BBS9: variants seen among roughly 807,000 people sequenced by gnomAD.
The protein encoded by BBS9 is Bardet-Biedl syndrome 9.
A neutral mutation model predicts 117.7 loss-of-function variants in BBS9; 89 were observed. The observed-to-expected ratio is 0.76, with a 90% CI of 0.64 to 0.90. The LOEUF (loss-of-function observed/expected upper bound fraction) is 0.90. BBS9 is among the 40% of genes least tolerant of loss of function. The pLI, the probability that BBS9 is intolerant of heterozygous loss-of-function variation, is 0.00. For missense variants in BBS9, 982 were observed against 1,042.2 expected (o/e 0.94, Z 0.80); for synonymous variants, 379 against 370.9 (o/e 1.02, Z -0.25).
At chr7:33,207,894 A>G (rs538517037) in intron 5 of BBS9, among the ~76,000 whole-genome samples, 9 of 151,346 alleles carry the variant, frequency 5.9e-5, no homozygotes, top group Admixed American at 5.3e-4. Flanking sequence ...TGAAACCTCT[A>G]CCTCCTGGGT....
intron 5 of BBS9, among the ~76,000 whole-genome samples, chr7:33,217,703 G>A (rs544011241): frequency 1.3e-5 from 2 of 152,332 alleles, no homozygotes; most frequent in African/African-American, 4.8e-5. Context: ...CTTGCTAGCC[G>A]AAGGACATTC....
intron 20 of BBS9, among the ~76,000 whole-genome samples, chr7:33,513,791 T>C (rs1847320290): frequency 6.6e-6 from 1 of 152,204 alleles, no homozygotes; most frequent in Admixed American, 6.5e-5. Flanking sequence ...GATGAATATA[T>C]ACAAGTGAAA....
intron 19 of BBS9, among the ~76,000 whole-genome samples, chr7:33,502,022 T>C (rs559340852): frequency 5.9e-5 from 9 of 152,262 alleles, no homozygotes; most frequent in Admixed American, 2.6e-4. Context: ...GTGATTCTCC[T>C]GCCTCAGCCT....
intron 19 of BBS9, among the ~76,000 whole-genome samples, chr7:33,406,509 G>A (rs1007032763): frequency 1.3e-5 from 2 of 151,966 alleles, no homozygotes; most frequent in East Asian, 1.9e-4. Flanking sequence ...CTCGTTAGTT[G>A]ATGCAGTTTC....
intron 18 of BBS9, among the ~76,000 whole-genome samples, chr7:33,386,205 C>T (rs1825980060): frequency 6.6e-6 from 1 of 151,968 alleles, no homozygotes; most frequent in Non-Finnish European, 1.5e-5. Context: ...TACATGAATA[C>T]ACTTTAAAAA....
intron 21 of BBS9, among the ~76,000 whole-genome samples, chr7:33,597,596 C>T (rs1447324737): frequency 1.3e-5 from 2 of 152,102 alleles, no homozygotes; most frequent in Non-Finnish European, 2.9e-5. Flanking sequence ...AGCTTGCCAG[C>T]CCTCTGGATT....
chr7:33,223,369 T>C (rs920304715), intron 5 of BBS9, among the ~76,000 whole-genome samples: 1 of 152,218 alleles, frequency 6.6e-6, no homozygotes, highest in Admixed American at 6.5e-5. Flanking sequence ...TATTAACTCT[T>C]GTCACCATGC....
chr7:33,400,659 A>G (rs984762345), intron 19 of BBS9, among the ~76,000 whole-genome samples: 1 of 152,130 alleles, frequency 6.6e-6, no homozygotes, highest in Non-Finnish European at 1.5e-5. Context: ...AAAAAGATGT[A>G]CTGTTTTTAT....
chr7:33,592,272 A>G (rs2700684), intron 21 of BBS9, among the ~76,000 whole-genome samples: 20,164 of 151,974 alleles, frequency 0.13, 1,803 homozygotes, highest in Admixed American at 0.27. Flanking sequence ...CATTGTGATG[A>G]GCCCCATTAC....
chr7:33,173,876 C>G (rs948299816), intron 4 of BBS9, among the ~76,000 whole-genome samples: 4 of 152,172 alleles, frequency 2.6e-5, no homozygotes, highest in African/African-American at 9.7e-5. Flanking sequence ...CTTGGTCAAC[C>G]TAGCCAATGA....
At chr7:33,598,318 C>CT (rs1372229448) in intron 21 of BBS9, among the ~76,000 whole-genome samples, 2 of 151,534 alleles carry the variant, frequency 1.3e-5, no homozygotes, top group Non-Finnish European at 2.9e-5. Flanking sequence ...AAGTATCATG[C>CT]AATATACCTG....
rs1842505067 is a variant in BBS9, at chr7:33,481,481, G to A, written c.2116-23982G>A. 2.6e-5 allele frequency among the ~76,000 whole-genome samples: 4 copies of A among 152,116 alleles called. No individual in the cohort carries two copies. The South Asian group carries it at 8.4e-4, about 32-fold the overall frequency. On this transcript the variant is annotated intron_variant, in intron 19 of 22. Coordinates refer to ENST00000242067, the MANE Select transcript of BBS9 (RefSeq NM_198428.3). The stretch of plus-strand genomic sequence containing the variant: ...AAATGATATTTCAGAATTAAATTAT[G>A]TAATATGATATTATATAATGTTGCA...
intron 21 of BBS9, among the ~76,000 whole-genome samples, chr7:33,574,062 T>C (rs1161087402): frequency 6.6e-6 from 1 of 152,142 alleles, no homozygotes; most frequent in Non-Finnish European, 1.5e-5. Context: ...GCCCACAGGC[T>C]TACCTGATAT....
intron 4 of BBS9, among the ~76,000 whole-genome samples, chr7:33,163,080 A>C (rs1795115317): frequency 6.6e-6 from 1 of 152,172 alleles, no homozygotes; most frequent in Non-Finnish European, 1.5e-5. Context: ...GCATCTATTG[A>C]GATAATCATG....
At chr7:33,621,471 A>C (rs1865402834) in intron 21 of BBS9, among the ~76,000 whole-genome samples, 1 of 152,174 alleles carries the variant, frequency 6.6e-6, no homozygotes, top group African/African-American at 2.4e-5. Flanking sequence ...CAGGAAAATA[A>C]ATTAAACCAC....
At chr7:33,212,601 A>G (rs1788224767) in intron 5 of BBS9, among the ~76,000 whole-genome samples, 1 of 151,982 alleles carries the variant, frequency 6.6e-6, no homozygotes, top group South Asian at 2.1e-4. Context: ...GATGGTCTTA[A>G]TGCTTGTAGA....
At position 33,155,638 on chromosome 7, in the gene BBS9, A is replaced by G; in HGVS notation, c.264A>G (p.Ser88=). Residue 88 remains serine, a splice_region_variant and synonymous_variant, in exon 4 of 23, where the codon TCA becomes TCG. Transcript: ENST00000242067. ...TTTAAAAACTTTCTCTGTTTTTCAG[A>G]GGTACCGAAATGCTACATTTGGCTG... The part of the protein sequence containing the change: ...VLQVEVGKFV[S]GTEMLHLAVL... 6.3e-7 allele frequency: 1 copy of G among 1,591,728 alleles called. No homozygotes were observed.
intron 4 of BBS9, among the ~76,000 whole-genome samples, chr7:33,159,490 G>A (rs1046456392): frequency 1.3e-5 from 2 of 152,172 alleles, no homozygotes; most frequent in African/African-American, 4.8e-5. Context: ...TAACATGAGT[G>A]ACTTCATTTT....
intron 9 of BBS9, among the ~76,000 whole-genome samples, chr7:33,315,032 G>C (rs567162192): frequency 6.6e-6 from 1 of 152,134 alleles, no homozygotes; most frequent in Non-Finnish European, 1.5e-5. Context: ...TGATTCTATG[G>C]GTTAATTTTG....
Sources: allele counts gnomAD v4.1 joint callset (sites outside exome capture counted in the v4.1 genomes callset), GRCh38; gene constraint gnomAD v4.1.1; transcripts MANE v1.5; gene names NCBI Gene and HGNC (gene_info 2026-07-23, HGNC 2026-07-21).